SOX30: variants seen among roughly 807,000 people sequenced by gnomAD.
The protein encoded by SOX30 is transcription factor SOX-30.
SOX30 carries 17 observed loss-of-function variants against 58.6 expected under a neutral mutation model. That is an observed-to-expected ratio of 0.29 (90% confidence interval 0.20 to 0.44). The LOEUF is 0.44. SOX30 is among the 20% of genes least tolerant of loss of function. SOX30 has a pLI of 1.00. For synonymous variants in SOX30, 421 were observed against 400.2 expected (o/e 1.05, Z -0.62); for missense variants, 951 against 965.8 (o/e 0.98, Z 0.20).
chr5:157,646,553 C>A, intron 3 of SOX30, 84 bp downstream of exon 3: 1 of 980,180 alleles, frequency 1.0e-6, no homozygotes, highest in South Asian at 1.7e-5. Flanking sequence ...ATTCTTAAGA[C>A]TAACAGAAAG....
intron 1 of SOX30, among the ~76,000 whole-genome samples, chr5:157,649,410 T>C (rs540097239): frequency 6.6e-6 from 1 of 152,324 alleles, no homozygotes; most frequent in African/African-American, 2.4e-5. Flanking sequence ...ATTAGTTGTA[T>C]TTCACTACGA....
intron 1 of SOX30, among the ~76,000 whole-genome samples, chr5:157,670,434 G>A (rs1049283650): frequency 2.0e-5 from 3 of 152,194 alleles, no homozygotes; most frequent in African/African-American, 7.2e-5. Context: ...GATAATCCAG[G>A]TAAAGAGTTT....
At chr5:157,631,021 T>TTTA in intron 4 of SOX30, among the ~76,000 whole-genome samples, 1 of 114,062 alleles carries the variant, frequency 8.8e-6, no homozygotes, top group South Asian at 2.5e-4. Context: ...ACTATATATT[T>TTTA]TATATATATA....
rs1758992681 is a variant in SOX30, at chr5:157,638,711, G to T, written c.1399C>A (p.Pro467Thr). Residue 467 changes from proline to threonine, a missense_variant, in exon 4 of 5, where the codon CCT (proline) becomes ACT (threonine). Pro to Thr is a conservative substitution (Grantham distance 38). This residue lies in a region of SOX30 where 381 missense variants were observed against 390.0 expected (regional missense o/e 0.98). Transcript: ENST00000265007. ...GCAGGTGTGGGCAGCTGGATAGCAGGTGAGGTTTCACCTTTAGAAATAAAA... is the reference window on the plus strand; with the variant it reads ...GCAGGTGTGGGCAGCTGGATAGCAGTTGAGGTTTCACCTTTAGAAATAAAA... ...PITHPVGETS[P>T]AIQLPTPAVQ... is the part of the protein sequence containing the mutation. 3 of 1,605,450 alleles carry T rather than the reference G, an allele frequency of 1.9e-6. No individual in the cohort carries two copies. Among genetic ancestry groups the T allele is most frequent in the Non-Finnish European group, 2.6e-6 (3 of 1,175,322 alleles).
At chr5:157,663,666 CCT>C (rs1322631375) in intron 2 of SOX30, among the ~76,000 whole-genome samples, 5 of 152,058 alleles carry the variant, frequency 3.3e-5, no homozygotes, top group Non-Finnish European at 1.5e-5. Context: ...TCAAATTGTC[CCT>C]GTTTGCAGAT....
At chr5:157,627,856 T>C (rs553529169) in intron 4 of SOX30, among the ~76,000 whole-genome samples, 19 of 152,090 alleles carry the variant, frequency 1.2e-4, no homozygotes, top group African/African-American at 4.3e-4. Context: ...TAGCCAGGCG[T>C]GGTGGCGGGC....
intron 2 of SOX30, among the ~76,000 whole-genome samples, chr5:157,662,812 G>A (rs1306249807): frequency 6.6e-6 from 1 of 152,196 alleles, no homozygotes; most frequent in Admixed American, 6.5e-5. Flanking sequence ...TTGTCTGCAT[G>A]ATAAAACCTA....
At chr5:157,665,362 A>T (rs1759650000) in intron 2 of SOX30, among the ~76,000 whole-genome samples, 1 of 152,130 alleles carries the variant, frequency 6.6e-6, no homozygotes, top group East Asian at 1.9e-4. Flanking sequence ...AAAACCAAAC[A>T]TCGCATGTTT....
intron 2 of SOX30, among the ~76,000 whole-genome samples, chr5:157,663,664 T>A (rs1272339964): frequency 6.6e-6 from 1 of 152,178 alleles, no homozygotes; most frequent in Non-Finnish European, 1.5e-5. Context: ...AGTCAAATTG[T>A]CCCTGTTTGC....
At chr5:157,663,464 G>C (rs1464751492) in intron 2 of SOX30, among the ~76,000 whole-genome samples, 1 of 151,928 alleles carries the variant, frequency 6.6e-6, no homozygotes, top group Non-Finnish European at 1.5e-5. Flanking sequence ...AAAATAGTAA[G>C]AGCTATTTAT....
chr5:157,635,152 G>C lies in SOX30; in HGVS notation c.1880+3078C>G, dbSNP rs562452143. Among the ~76,000 whole-genome samples the C allele has an allele frequency of 1.9e-4, 29 of 152,288 alleles. No homozygotes were observed. In the South Asian group the frequency reaches 5.4e-3, roughly 28 times the overall value. On this transcript the variant is annotated intron_variant, in intron 4 of 4. Coordinates refer to ENST00000265007, the MANE Select transcript of SOX30 (RefSeq NM_178424.2). ...AAAAATATTATAATTGATAAGGCTA[G>C]TCTTCTTTTCTAAAAAACTATGCAT...
chr5:157,650,570 TAA>T (rs1759303175), intron 1 of SOX30, among the ~76,000 whole-genome samples: 1 of 152,228 alleles, frequency 6.6e-6, no homozygotes, highest in Admixed American at 6.5e-5. Context: ...AATATTTCTA[TAA>T]GTCATTACCT....
At chr5:157,660,108 C>G (rs1209701237) in intron 2 of SOX30, among the ~76,000 whole-genome samples, 1 of 152,186 alleles carries the variant, frequency 6.6e-6, no homozygotes, top group African/African-American at 2.4e-5. Context: ...GTAGCCTGAG[C>G]TAGTGTTTTA....
intron 2 of SOX30, among the ~76,000 whole-genome samples, chr5:157,660,927 C>T (rs961197885): frequency 2.0e-5 from 3 of 152,088 alleles, no homozygotes; most frequent in African/African-American, 7.2e-5. Context: ...CTGTATTTTC[C>T]TATTTGCAAA....
At position 157,666,478 on chromosome 5, in the gene SOX30, GACACACACACACACACACACAC is replaced by G. The variant is rs375835461; in HGVS notation, c.52+1298_52+1319del. ...AGATGAAAGATTCTTTAGTCCAGTA[GACACACACACACACACACACAC>G]ACACACACACACACACACACACACA... is the stretch of plus-strand genomic sequence containing the variant. On this transcript the variant is annotated intron_variant, in intron 2 of 5. Coordinates refer to the SOX30 transcript ENST00000519442. Among the ~76,000 whole-genome samples the G allele has an allele frequency of 7.5e-5, 10 of 132,528 alleles. No homozygotes were observed. In the East Asian group the frequency reaches 1.2e-3, roughly 15 times the overall value. The allele number at this position is 132,528 out of a possible 152,430, so 86.9% of individuals were successfully genotyped here. A position where few individuals can be genotyped will look rare whatever the true frequency, so the allele number is the denominator to read the frequency against.
intron 1 of SOX30, among the ~76,000 whole-genome samples, chr5:157,650,790 T>C (rs1302256441): frequency 3.9e-5 from 6 of 152,234 alleles, no homozygotes; most frequent in Non-Finnish European, 7.3e-5. Flanking sequence ...ATTTTTAATC[T>C]TGATTATTTG....
intron 2 of SOX30, among the ~76,000 whole-genome samples, chr5:157,658,148 A>T (rs1759513283): frequency 6.6e-6 from 1 of 152,226 alleles, no homozygotes; most frequent in Admixed American, 6.5e-5. Context: ...AAAAAGTCTT[A>T]TCTGAGATTC....
chr5:157,653,825 T>C (rs1233983331), upstream of SOX30, among the ~76,000 whole-genome samples: 2 of 152,140 alleles, frequency 1.3e-5, no homozygotes, highest in East Asian at 1.9e-4. Flanking sequence ...ACAAGGGCAA[T>C]GGTTTTCAAA....
Position 157,638,716 on chromosome 5 carries a change from G to T in SOX30, c.1394C>A (p.Thr465Asn). 1 of 1,594,602 alleles carries T rather than the reference G, an allele frequency of 6.3e-7. No homozygotes were observed. Among genetic ancestry groups the T allele is most frequent in the Non-Finnish European group, 8.5e-7 (1 of 1,170,972 alleles). The change falls in exon 4 of 5, where the codon ACC becomes AAC. Residue 465 changes from threonine to asparagine, a missense_variant. Thr to Asn is a moderately conservative substitution (Grantham distance 65). Coordinates refer to ENST00000265007, the MANE Select transcript of SOX30 (RefSeq NM_178424.2). ...TGTGGGCAGCTGGATAGCAGGTGAGGTTTCACCTTTAGAAATAAAAATAGC... is the reference window on the plus strand; with the variant it reads ...TGTGGGCAGCTGGATAGCAGGTGAGTTTTCACCTTTAGAAATAAAAATAGC... ...QNPITHPVGE[T>N]SPAIQLPTPA...
Sources: gnomAD v4.1 joint callset for allele counts (sites outside exome capture counted in the v4.1 genomes callset) on GRCh38, gnomAD v4.1.1 for gene constraint, gnomAD v4.1.1 regional missense constraint, MANE v1.5 for transcripts, NCBI Gene and HGNC (gene_info 2026-07-23, HGNC 2026-07-21) for gene names.